The following PRELID2 variants were observed in gnomAD, a reference collection of about 807,000 sequenced individuals.
PRELID2 encodes the protein PRELI domain containing 2.
In PRELID2, 25 loss-of-function variants were observed where a neutral mutation model predicts 28.4. That is an observed-to-expected ratio of 0.88 (90% confidence interval 0.64 to 1.23). PRELID2 has a LOEUF of 1.23. Among genes scored for constraint, PRELID2 ranks in the 50% most tolerant of loss-of-function variants. The pLI, the probability that PRELID2 is intolerant of heterozygous loss-of-function variation, is 0.00. For missense variants in PRELID2, 201 were observed against 214.4 expected (o/e 0.94, Z 0.39); for synonymous variants, 76 against 71.6 (o/e 1.06, Z -0.31).
At chr5:145,279,141 C>T in the PRELID2 span, among the ~76,000 whole-genome samples, 8 of 152,192 alleles carry the variant, frequency 5.3e-5, no homozygotes, top group Admixed American at 5.2e-4. Flanking sequence ...ATTGTCGTAT[C>T]TGAAAGGCTT....
At chr5:145,587,613 G>A (rs1420279311) in intron 1 of PRELID2, among the ~76,000 whole-genome samples, 4 of 152,152 alleles carry the variant, frequency 2.6e-5, no homozygotes, top group South Asian at 2.1e-4. Flanking sequence ...CTTTTCTATC[G>A]CACTTTGAGA....
intron 1 of PRELID2, among the ~76,000 whole-genome samples, chr5:145,751,118 A>G (rs1757112672): frequency 6.6e-6 from 1 of 152,228 alleles, no homozygotes. Flanking sequence ...CACTACAGGG[A>G]AAATCATCTA....
intron 1 of PRELID2, among the ~76,000 whole-genome samples, chr5:145,633,404 G>A (rs1051845738): frequency 1.3e-5 from 2 of 152,144 alleles, no homozygotes; most frequent in Non-Finnish European, 2.9e-5. Context: ...CCAGGTCTAA[G>A]GTCTGACTCG....
intron 1 of PRELID2, among the ~76,000 whole-genome samples, chr5:145,710,569 A>G (rs1755666248): frequency 6.6e-6 from 1 of 152,170 alleles, no homozygotes; most frequent in Non-Finnish European, 1.5e-5. Context: ...AACTATGGCT[A>G]AAACAGAGAA....
intron 1 of PRELID2, among the ~76,000 whole-genome samples, chr5:145,750,036 A>T (rs1757087964): frequency 6.6e-6 from 1 of 152,044 alleles, no homozygotes; most frequent in African/African-American, 2.4e-5. Flanking sequence ...TGGCACATGT[A>T]TACATATGTA....
At chr5:145,481,200 T>C (rs942110774) in intron 1 of PRELID2, among the ~76,000 whole-genome samples, 2 of 152,130 alleles carry the variant, frequency 1.3e-5, no homozygotes, top group Non-Finnish European at 2.9e-5. Flanking sequence ...GGGAATGTAG[T>C]GTAAATTTTT....
intron 1 of PRELID2, among the ~76,000 whole-genome samples, chr5:145,526,528 T>C (rs973477425): frequency 9.2e-5 from 14 of 152,250 alleles, no homozygotes; most frequent in African/African-American, 3.1e-4. Flanking sequence ...CAGGCTAAGA[T>C]GGGACTTGGT....
At chr5:145,765,080 C>T in intron 5 of PRELID2, 80 bp from the exon 6 acceptor site, 1 of 965,512 alleles carries the variant, frequency 1.0e-6, no homozygotes, top group East Asian at 2.5e-5. Flanking sequence ...CTTTTCCCTT[C>T]AAAGAATCCA....
At chr5:145,728,346 T>C in intron 1 of PRELID2, 1 of 383,142 alleles carries the variant, frequency 2.6e-6, no homozygotes, top group South Asian at 2.9e-5. Context: ...CTATCTCTAC[T>C]TACTTATCTC....
the PRELID2 span, among the ~76,000 whole-genome samples, chr5:145,372,648 G>T: frequency 1.3e-5 from 2 of 151,112 alleles, no homozygotes; most frequent in African/African-American, 4.9e-5. Context: ...AGTCTGTTTT[G>T]TCAGACAATA....
At chr5:145,368,589 G>A in the PRELID2 span, among the ~76,000 whole-genome samples, 1 of 151,794 alleles carries the variant, frequency 6.6e-6, no homozygotes, top group Non-Finnish European at 1.5e-5. Flanking sequence ...GTCTCTCATG[G>A]CCTTTACACA....
the PRELID2 span, among the ~76,000 whole-genome samples, chr5:145,316,110 A>T: frequency 1.3e-5 from 2 of 152,178 alleles, no homozygotes; most frequent in Non-Finnish European, 2.9e-5. Flanking sequence ...GCCATGGTAG[A>T]ATATTTACAC....
intron 1 of PRELID2, among the ~76,000 whole-genome samples, chr5:145,727,556 G>T (rs1293809597): frequency 2.6e-5 from 4 of 152,070 alleles, no homozygotes; most frequent in Non-Finnish European, 5.9e-5. Context: ...CTTGATGACG[G>T]CTTTCTCTTC....
the PRELID2 span, among the ~76,000 whole-genome samples, chr5:145,250,422 A>T: frequency 6.6e-6 from 1 of 152,182 alleles, no homozygotes; most frequent in Non-Finnish European, 1.5e-5. Context: ...GAACCAAGCC[A>T]ACAGCTTCAG....
the PRELID2 span, among the ~76,000 whole-genome samples, chr5:145,372,953 TTATATATTACAACATATATAA>T: frequency 2.0e-5 from 1 of 50,904 alleles, no homozygotes; most frequent in Non-Finnish European, 3.8e-5. Flanking sequence ...ATATATGATA[TTATATATTACAACATATATAA>T]TATATATGAT....
At chr5:145,772,736 A>G (rs934149014) in intron 5 of PRELID2, among the ~76,000 whole-genome samples, 1 of 152,356 alleles carries the variant, frequency 6.6e-6, no homozygotes, top group African/African-American at 2.4e-5. Flanking sequence ...GGACACATTC[A>G]AACCATAGCA....
chr5:145,427,692 G>A, the PRELID2 span, among the ~76,000 whole-genome samples: 33 of 143,482 alleles, frequency 2.3e-4, no homozygotes, highest in Non-Finnish European at 1.4e-4. Flanking sequence ...GAAAACAATC[G>A]CACCATTAAA....
chr5:145,611,331 T>TTTTTGTA (rs1753613910), intron 1 of PRELID2, among the ~76,000 whole-genome samples: 1 of 152,106 alleles, frequency 6.6e-6, no homozygotes, highest in African/African-American at 2.4e-5. Context: ...GACTGGCTAA[T>TTTTTGTA]TTTTGTATTT....
chr5:145,690,341 C>T (rs930831723), intron 1 of PRELID2, among the ~76,000 whole-genome samples: 1 of 152,136 alleles, frequency 6.6e-6, no homozygotes, highest in Admixed American at 6.5e-5. Flanking sequence ...AGTTCCAATT[C>T]AGTTTAGCAG....
Sources: allele counts gnomAD v4.1 joint callset (sites outside exome capture counted in the v4.1 genomes callset), GRCh38; gene constraint gnomAD v4.1.1; transcripts MANE v1.5; gene names NCBI Gene and HGNC (gene_info 2026-07-23, HGNC 2026-07-21).